The following TRPM3 variants were observed in gnomAD, a reference collection of about 807,000 sequenced individuals.
TRPM3 encodes the protein transient receptor potential cation channel subfamily M member 3.
TRPM3 carries 77 observed loss-of-function variants against 181.2 expected under a neutral mutation model. The observed-to-expected ratio is 0.42, with a 90% CI of 0.35 to 0.51. The LOEUF (loss-of-function observed/expected upper bound fraction) is 0.51. Ranked by LOEUF, TRPM3 falls within the 20% of genes least tolerant of loss-of-function variation. TRPM3 has a pLI of 0.01. For missense variants in TRPM3, 1,759 were observed against 2,196.7 expected (o/e 0.80, Z 3.98); for synonymous variants, 745 against 796.4 (o/e 0.94, Z 1.09).
intron 1 of TRPM3, among the ~76,000 whole-genome samples, chr9:70,873,435 C>G (rs554851352): frequency 6.6e-6 from 1 of 152,086 alleles, no homozygotes; most frequent in Non-Finnish European, 1.5e-5. Flanking sequence ...GGCTCTGGCT[C>G]TGGAAGTATC....
intron 1 of TRPM3, among the ~76,000 whole-genome samples, chr9:71,197,119 T>C (rs946981746): frequency 1.3e-5 from 2 of 152,084 alleles, no homozygotes; most frequent in African/African-American, 4.8e-5. Flanking sequence ...GAACATGCGA[T>C]GTTTGGTTTT....
rs1267904620 is a variant in TRPM3, at chr9:70,701,091, C to T, written c.1273-19513G>A. On this transcript the variant is annotated intron_variant, in intron 8 of 25. Coordinates refer to ENST00000677713, the MANE Select transcript of TRPM3 (RefSeq NM_001366145.2). ...TGTAGAAATATTGAAGAATGAAGTGCTCTATAAATTTTCTAGTCAAGTATG... is the reference window on the plus strand; with the variant it reads ...TGTAGAAATATTGAAGAATGAAGTGTTCTATAAATTTTCTAGTCAAGTATG... 2.0e-5 allele frequency among the ~76,000 whole-genome samples: 3 copies of T among 152,086 alleles called. No homozygotes were observed. The East Asian group carries it at 5.8e-4, about 29-fold the overall frequency.
chr9:70,617,278 A>G (rs1270168036), intron 17 of TRPM3, among the ~76,000 whole-genome samples: 1 of 152,164 alleles, frequency 6.6e-6, no homozygotes, highest in African/African-American at 2.4e-5. Flanking sequence ...GGTCACCAGC[A>G]GTGTGGCTAT....
chr9:70,624,078 C>T (rs942783951), intron 14 of TRPM3, among the ~76,000 whole-genome samples: 11 of 152,074 alleles, frequency 7.2e-5, no homozygotes, highest in African/African-American at 2.7e-4. Context: ...ATGTACTCCC[C>T]CCACCTCCAC....
At chr9:70,988,481 C>T (rs894054772) in intron 1 of TRPM3, among the ~76,000 whole-genome samples, 3 of 152,236 alleles carry the variant, frequency 2.0e-5, no homozygotes, top group Admixed American at 1.3e-4. Flanking sequence ...CTACCACTGC[C>T]CTTACCCTGA....
At chr9:71,068,316 A>C (rs891349365) in intron 1 of TRPM3, among the ~76,000 whole-genome samples, 1 of 152,218 alleles carries the variant, frequency 6.6e-6, no homozygotes, top group African/African-American at 2.4e-5. Flanking sequence ...TTTGCTACAG[A>C]GGACTGTACT....
chr9:70,619,292 G>A (rs1769791912), intron 16 of TRPM3, among the ~76,000 whole-genome samples, 197 bp from the exon 17 acceptor site: 2 of 152,056 alleles, frequency 1.3e-5, no homozygotes, highest in South Asian at 4.1e-4. Context: ...GTATAGAACT[G>A]GGGGTATAAG....
At chr9:70,960,126 T>C (rs1590093517) in intron 1 of TRPM3, among the ~76,000 whole-genome samples, 1 of 150,418 alleles carries the variant, frequency 6.6e-6, no homozygotes, top group East Asian at 1.9e-4. Flanking sequence ...TCTCGTTCTT[T>C]TTTTTTTTTT....
chr9:70,883,221 G>T (rs972501958), intron 1 of TRPM3, among the ~76,000 whole-genome samples: 1 of 152,130 alleles, frequency 6.6e-6, no homozygotes, highest in African/African-American at 2.4e-5. Flanking sequence ...TGGACCAGTG[G>T]TAGTGAGTGA....
intron 1 of TRPM3, among the ~76,000 whole-genome samples, chr9:71,324,151 A>AATC (rs2089471385): frequency 6.6e-6 from 1 of 152,144 alleles, no homozygotes. Flanking sequence ...TAATCAATCT[A>AATC]TAGATAGATT....
chr9:70,688,787 C>G (rs1299209077), intron 8 of TRPM3, among the ~76,000 whole-genome samples: 4 of 152,124 alleles, frequency 2.6e-5, no homozygotes, highest in Admixed American at 1.3e-4. Context: ...ATTTAAGAAG[C>G]TCTCTTCTAT....
At chr9:70,631,285 T>C (rs2065798485) in intron 12 of TRPM3, among the ~76,000 whole-genome samples, 1 of 152,020 alleles carries the variant, frequency 6.6e-6, no homozygotes, top group South Asian at 2.1e-4. Context: ...ATAATAATGC[T>C]TTTGCAAATT....
At chr9:70,865,183 A>G (rs1589375154) in intron 1 of TRPM3, among the ~76,000 whole-genome samples, 1 of 152,150 alleles carries the variant, frequency 6.6e-6, no homozygotes, top group East Asian at 1.9e-4. Context: ...TCAGCAGAGC[A>G]TATACAGCTT....
At chr9:70,660,484 T>A (rs2060966823) in intron 9 of TRPM3, among the ~76,000 whole-genome samples, 1 of 152,106 alleles carries the variant, frequency 6.6e-6, no homozygotes, top group African/African-American at 2.4e-5. Context: ...ATATGTTGAC[T>A]GATGTTTCAT....
At chr9:70,553,332 A>C (rs893271652) in intron 22 of TRPM3, 22 bp from the exon 23 acceptor site, 2 of 1,611,002 alleles carry the variant, frequency 1.2e-6, no homozygotes, top group Non-Finnish European at 1.7e-6. Context: ...AACACACACA[A>C]GAAATGAGAA....
intron 1 of TRPM3, among the ~76,000 whole-genome samples, chr9:71,023,229 T>C (rs1033374520): frequency 5.3e-5 from 8 of 152,020 alleles, no homozygotes; most frequent in African/African-American, 1.9e-4. Flanking sequence ...GATAAGCACA[T>C]GAAAAGATGT....
At chr9:70,675,014 G>A (rs2063721934) in intron 9 of TRPM3, among the ~76,000 whole-genome samples, 1 of 151,968 alleles carries the variant, frequency 6.6e-6, no homozygotes, top group African/African-American at 2.4e-5. Flanking sequence ...TCAACAGTAT[G>A]CTTTCCTAAA....
At chr9:70,820,249 A>T (rs942906809) in intron 6 of TRPM3, among the ~76,000 whole-genome samples, 1 of 152,214 alleles carries the variant, frequency 6.6e-6, no homozygotes, top group Non-Finnish European at 1.5e-5. Flanking sequence ...CAAATAATAG[A>T]GGCATAATGA....
intron 1 of TRPM3, among the ~76,000 whole-genome samples, chr9:70,962,910 C>T (rs1455062038): frequency 6.6e-6 from 1 of 152,046 alleles, no homozygotes; most frequent in African/African-American, 2.4e-5. Context: ...CATAATATGT[C>T]CTTATGAAAG....
Sources: allele counts gnomAD v4.1 joint callset (sites outside exome capture counted in the v4.1 genomes callset), GRCh38; gene constraint gnomAD v4.1.1; transcripts MANE v1.5; gene names NCBI Gene and HGNC (gene_info 2026-07-23, HGNC 2026-07-21).